C3orf70: variants seen among roughly 807,000 people sequenced by gnomAD.
C3orf70 encodes chromosome 3 open reading frame 70.
C3orf70 carries 15 observed loss-of-function variants against 20.7 expected under a neutral mutation model. The ratio of observed to expected loss-of-function variants is 0.72; its 90% CI spans 0.48 to 1.11. The LOEUF (loss-of-function observed/expected upper bound fraction) is 1.11, where lower values mean the gene tolerates loss of function less well. C3orf70 is among the 50% of genes most tolerant of loss of function. The pLI, the probability that C3orf70 is intolerant of heterozygous loss-of-function variation, is 0.00. For synonymous variants in C3orf70, 161 were observed against 125.7 expected (o/e 1.28, Z -1.88); for missense variants, 332 against 317.6 (o/e 1.05, Z -0.34).
chr3:185,106,473 C>T (rs556596956), intron 1 of C3orf70, among the ~76,000 whole-genome samples: 1 of 152,238 alleles, frequency 6.6e-6, no homozygotes, highest in East Asian at 1.9e-4. Context: ...GCAAGTCAGG[C>T]CGCCAGTTGA....
At chr3:185,110,546 G>GCCCC (rs1561345408) in intron 1 of C3orf70, among the ~76,000 whole-genome samples, 1 of 149,554 alleles carries the variant, frequency 6.7e-6, no homozygotes, top group African/African-American at 2.6e-5. Flanking sequence ...GTTAGGAGCA[G>GCCCC]GCCCCCCCTC....
intron 1 of C3orf70, among the ~76,000 whole-genome samples, chr3:185,147,684 T>G (rs1716906264): frequency 1.3e-5 from 2 of 152,210 alleles, no homozygotes; most frequent in Admixed American, 1.3e-4. Context: ...CTCAGCATAA[T>G]AAGCTTATTC....
chr3:185,116,042 C>G (rs1379498336), intron 1 of C3orf70, among the ~76,000 whole-genome samples: 1 of 152,176 alleles, frequency 6.6e-6, no homozygotes, highest in Non-Finnish European at 1.5e-5. Context: ...CGGAGCTTGT[C>G]CCAGTCCAGT....
intron 1 of C3orf70, among the ~76,000 whole-genome samples, chr3:185,086,767 G>A (rs1715466724): frequency 6.6e-6 from 1 of 152,182 alleles, no homozygotes; most frequent in Non-Finnish European, 1.5e-5. Context: ...GAGCGAGGGT[G>A]AGAGCCTATT....
At chr3:185,141,992 A>C (rs1207735791) in intron 1 of C3orf70, among the ~76,000 whole-genome samples, 1 of 152,200 alleles carries the variant, frequency 6.6e-6, no homozygotes, top group Non-Finnish European at 1.5e-5. Flanking sequence ...CAGGGAAATC[A>C]TTAGGTAAGC....
At chr3:185,125,384 A>AAACAAC (rs141336074) in intron 1 of C3orf70, among the ~76,000 whole-genome samples, 21 of 149,916 alleles carry the variant, frequency 1.4e-4, no homozygotes, top group Admixed American at 5.3e-4. Flanking sequence ...CCATCTCCAA[A>AAACAAC]AACAACAACA....
At chr3:185,134,178 T>G (rs1289510433) in intron 1 of C3orf70, among the ~76,000 whole-genome samples, 1 of 151,546 alleles carries the variant, frequency 6.6e-6, no homozygotes, top group Non-Finnish European at 1.5e-5. Context: ...AAATGAAACT[T>G]TTTTAGTATT....
intron 1 of C3orf70, among the ~76,000 whole-genome samples, chr3:185,093,632 A>G (rs1715639076): frequency 6.6e-6 from 1 of 152,230 alleles, no homozygotes; most frequent in African/African-American, 2.4e-5. Context: ...GTGGGTATAG[A>G]TGATACATGG....
chr3:185,152,016 C>T (rs1561374524), intron 1 of C3orf70, among the ~76,000 whole-genome samples: 2 of 152,316 alleles, frequency 1.3e-5, no homozygotes, highest in South Asian at 4.1e-4. Flanking sequence ...ATTTATTTGG[C>T]TCTAAATTCT....
intron 1 of C3orf70, among the ~76,000 whole-genome samples, chr3:185,145,716 C>T (rs144909456): frequency 1.1e-3 from 168 of 152,294 alleles, no homozygotes; most frequent in African/African-American, 3.8e-3. Flanking sequence ...GGGTACTACG[C>T]GTGACCTTGG....
chr3:185,108,661 A>G (rs11918609), intron 1 of C3orf70, among the ~76,000 whole-genome samples: 7,924 of 152,308 alleles, frequency 0.052, 672 homozygotes, highest in African/African-American at 0.18. Flanking sequence ...AGTCTCAAAC[A>G]CAGATACAGC....
chr3:185,126,079 A>C (rs139719670), intron 1 of C3orf70, among the ~76,000 whole-genome samples: 5 of 152,360 alleles, frequency 3.3e-5, no homozygotes, highest in East Asian at 3.8e-4. Context: ...CTTTTTAAAA[A>C]AGAAAAGGAT....
At chr3:185,110,411 T>TAA (rs1165757810) in intron 1 of C3orf70, among the ~76,000 whole-genome samples, 6 of 152,264 alleles carry the variant, frequency 3.9e-5, no homozygotes, top group East Asian at 1.9e-4. Context: ...ACGATTGTGC[T>TAA]TTTAATCTGT....
chr3:185,130,293 A>C (rs976503017), intron 1 of C3orf70, among the ~76,000 whole-genome samples: 1 of 152,166 alleles, frequency 6.6e-6, no homozygotes, highest in Non-Finnish European at 1.5e-5. Flanking sequence ...TACTAAAAAT[A>C]CAAAAACAAA....
intron 1 of C3orf70, among the ~76,000 whole-genome samples, chr3:185,145,714 C>T (rs760658251): frequency 2.6e-5 from 4 of 152,188 alleles, no homozygotes; most frequent in Non-Finnish European, 5.9e-5. Context: ...AGGGGTACTA[C>T]GCGTGACCTT....
intron 1 of C3orf70, among the ~76,000 whole-genome samples, chr3:185,129,142 T>G (rs1010207210): frequency 1.3e-5 from 2 of 152,182 alleles, no homozygotes; most frequent in African/African-American, 2.4e-5. Context: ...ACAGGGTACA[T>G]ATGTGCAGGA....
intron 1 of C3orf70, among the ~76,000 whole-genome samples, chr3:185,091,926 T>C (rs1160148814): frequency 2.6e-4 from 1 of 3,912 alleles, no homozygotes; most frequent in Admixed American, 3.6e-3. Flanking sequence ...TATATATATA[T>C]ATATATATAT....
chr3:185,092,246 TTC>T (rs934356990), intron 1 of C3orf70, among the ~76,000 whole-genome samples: 1 of 152,112 alleles, frequency 6.6e-6, no homozygotes, highest in Non-Finnish European at 1.5e-5. Context: ...ACTGTAAACA[TTC>T]TGTTATTCTT....
intron 1 of C3orf70, among the ~76,000 whole-genome samples, chr3:185,118,027 T>A (rs184407939): frequency 1.8e-3 from 280 of 152,300 alleles, no homozygotes; most frequent in African/African-American, 6.5e-3. Flanking sequence ...TTATCACAAC[T>A]ATAGTTTTTA....
Sources: gnomAD v4.1 joint callset for allele counts (sites outside exome capture counted in the v4.1 genomes callset) on GRCh38, gnomAD v4.1.1 for gene constraint, MANE v1.5 for transcripts, NCBI Gene and HGNC (gene_info 2026-07-23, HGNC 2026-07-21) for gene names.